The following SMPD4 variants were observed in gnomAD, a reference collection of about 807,000 sequenced individuals.
SMPD4 encodes the protein neutral sphingomyelinase 3.
In SMPD4, 58 loss-of-function variants were observed where a neutral mutation model predicts 97.8. The ratio of observed to expected loss-of-function variants is 0.59; its 90% confidence interval spans 0.48 to 0.74. The LOEUF (loss-of-function observed/expected upper bound fraction) is 0.74, where lower values mean the gene tolerates loss of function less well. Ranked by LOEUF, SMPD4 falls within the 30% of genes least tolerant of loss-of-function variation. The pLI, the probability that SMPD4 is intolerant of heterozygous loss-of-function variation, is 0.00. For synonymous variants in SMPD4, 388 were observed against 450.0 expected, an observed-to-expected ratio of 0.86 and a Z score of 1.74; for missense variants, 853 against 1,080.5, an observed-to-expected ratio of 0.79 and a Z score of 2.95.
At position 130,155,278 on chromosome 2, in the gene SMPD4, G is replaced by C. The variant is rs751432506; in HGVS notation, c.1290-19C>G. The stretch of plus-strand genomic sequence containing the variant: ...GGGTGCCCTGGGGACCGAGGTGGCA[G>C]GTTGGGGCCAGCCTTCCAACTGGAA... On this transcript the variant is annotated intron_variant, in intron 14 of 19. Coordinates refer to ENST00000680298, the MANE Select transcript of SMPD4 (RefSeq NM_017951.5). 3.1e-6 allele frequency: 5 copies of C among 1,613,550 alleles called. No individual in the cohort carries two copies. Among genetic ancestry groups the C allele is most frequent in the Non-Finnish European group, 3.4e-6 (4 of 1,179,824 alleles).
At chr2:130,171,274 T>C (rs1243733082) in intron 8 of SMPD4, among the ~76,000 whole-genome samples, 1 of 151,768 alleles carries the variant, frequency 6.6e-6, no homozygotes, top group African/African-American at 2.4e-5. Context: ...CCAGCTAATT[T>C]TTGTATTTTT....
At chr2:130,172,587 G>A in intron 7 of SMPD4, 38 bp downstream of exon 7, 1 of 1,613,886 alleles carries the variant, frequency 6.2e-7, no homozygotes, top group South Asian at 1.1e-5. Context: ...CCTGGGCCGT[G>A]GCCCCACCTC....
intron 1 of SMPD4, chr2:130,181,215 T>G: frequency 5.8e-6 from 7 of 1,199,432 alleles, no homozygotes; most frequent in Non-Finnish European, 7.3e-6. Flanking sequence ...CACCGCCTGT[T>G]GAGCCCAAGG....
intron 2 of SMPD4, among the ~76,000 whole-genome samples, chr2:130,175,787 C>G (rs1688933439): frequency 1.3e-5 from 2 of 152,322 alleles, no homozygotes; most frequent in African/African-American, 2.4e-5. Context: ...TTGTCTACCT[C>G]CAAACAAGGG....
At chr2:130,177,156 T>C (rs995180558) in intron 1 of SMPD4, among the ~76,000 whole-genome samples, 6 of 151,916 alleles carry the variant, frequency 3.9e-5, no homozygotes, top group Admixed American at 6.5e-5. Context: ...TCATAGCTCA[T>C]TGCAACCTCA....
At chr2:130,170,763 CAA>C (rs879749950) in intron 8 of SMPD4, among the ~76,000 whole-genome samples, 2 of 139,568 alleles carry the variant, frequency 1.4e-5, no homozygotes, top group Non-Finnish European at 1.6e-5. Flanking sequence ...GGCCCTGTCT[CAA>C]AAAAAAAAAA....
At chr2:130,166,159 A>G (rs1323098021) in intron 9 of SMPD4, among the ~76,000 whole-genome samples, 2 of 151,998 alleles carry the variant, frequency 1.3e-5, no homozygotes, top group African/African-American at 4.8e-5. Flanking sequence ...AAATGCAAAA[A>G]TTAGCTGAGC....
intron 8 of SMPD4, among the ~76,000 whole-genome samples, chr2:130,168,361 T>C (rs185287394): frequency 1.1e-3 from 161 of 151,232 alleles, no homozygotes; most frequent in African/African-American, 3.8e-3. Context: ...GAGGTTGAGG[T>C]TGCTGTGAGC....
At chr2:130,164,639 C>T (rs1687749547) in intron 9 of SMPD4, among the ~76,000 whole-genome samples, 194 bp from the exon 10 acceptor site, 1 of 152,090 alleles carries the variant, frequency 6.6e-6, no homozygotes, top group Admixed American at 6.5e-5. Flanking sequence ...AGGATAAGCA[C>T]TAAAACCATA....
intron 14 of SMPD4, 107 bp downstream of exon 14, chr2:130,155,928 A>C: frequency 2.6e-6 from 3 of 1,146,910 alleles, no homozygotes; most frequent in Non-Finnish European, 2.5e-6. Context: ...CACGGGGGCC[A>C]GGGCCAGGCT....
At chr2:130,167,400 G>A (rs1220827938) in intron 9 of SMPD4, 58 bp downstream of exon 9, 4 of 1,608,996 alleles carry the variant, frequency 2.5e-6, no homozygotes, top group Non-Finnish European at 2.5e-6. Flanking sequence ...GGGATTATAG[G>A]CACGAGCCAC....
intron 5 of SMPD4, 64 bp downstream of exon 5, chr2:130,173,215 T>G: frequency 6.8e-7 from 1 of 1,469,750 alleles, no homozygotes; most frequent in Non-Finnish European, 9.4e-7. Context: ...AGATTGCCCA[T>G]CACCACAGGG....
chr2:130,177,633 T>A (rs928154600), intron 1 of SMPD4, among the ~76,000 whole-genome samples: 1 of 151,582 alleles, frequency 6.6e-6, no homozygotes, highest in South Asian at 2.1e-4. Context: ...GGAGAGGTGG[T>A]TGCAGTGAGC....
intron 10 of SMPD4, 25 bp from the exon 11 acceptor site, chr2:130,161,297 CGGAAGA>C: frequency 6.2e-7 from 1 of 1,606,952 alleles, no homozygotes; most frequent in South Asian, 1.1e-5. Flanking sequence ...AGAGAGATGC[CGGAAGA>C]GGCCGAAGAG....
chr2:130,158,360 C>CAGGCTGG (rs1275137456), intron 11 of SMPD4: 1 of 677,980 alleles, frequency 1.5e-6, no homozygotes, highest in Non-Finnish European at 2.1e-6. Flanking sequence ...CTCTGTCGCC[C>CAGGCTGG]AGGCTGGAGC....
intron 17 of SMPD4, 102 bp downstream of exon 17, chr2:130,153,600 G>A: frequency 1.3e-6 from 2 of 1,551,298 alleles, no homozygotes; most frequent in South Asian, 2.4e-5. Flanking sequence ...GTCCATATGT[G>A]TGGGGCCTGG....
intron 8 of SMPD4, among the ~76,000 whole-genome samples, chr2:130,169,219 G>C (rs1169408909): frequency 6.6e-6 from 1 of 152,156 alleles, no homozygotes; most frequent in South Asian, 2.1e-4. Flanking sequence ...GCTCTGGAGG[G>C]GTCAAGGTCA....
intron 9 of SMPD4, among the ~76,000 whole-genome samples, chr2:130,167,111 TTTC>T (rs1688007705): frequency 6.6e-6 from 1 of 151,590 alleles, no homozygotes; most frequent in Non-Finnish European, 1.5e-5. Context: ...GTGGCAACAG[TTTC>T]TTTTCTTTTT....
At chr2:130,172,198 T>A (rs1210995812) in intron 8 of SMPD4, 151 bp downstream of exon 8, 21 of 888,674 alleles carry the variant, frequency 2.4e-5, no homozygotes, top group Non-Finnish European at 3.0e-5. Flanking sequence ...CACCCTCCAG[T>A]CTGTGCTAAG....
Sources: gnomAD v4.1 joint callset for allele counts (sites outside exome capture counted in the v4.1 genomes callset) on GRCh38, gnomAD v4.1.1 for gene constraint, MANE v1.5 for transcripts, NCBI Gene and HGNC (gene_info 2026-07-23, HGNC 2026-07-21) for gene names.